The following ZNF296 variants were observed in gnomAD, a reference collection of about 807,000 sequenced individuals.
ZNF296 encodes zinc finger protein 342.
In ZNF296, 1 loss-of-function variant was observed where a neutral mutation model predicts 13.2. The ratio of observed to expected loss-of-function variants is 0.08; its 90% CI spans 0.03 to 0.36. ZNF296 has a LOEUF of 0.36. Ranked by LOEUF, ZNF296 falls within the 10% of genes least tolerant of loss-of-function variation. The probability of loss-of-function intolerance (pLI) is 0.99; values close to 1 mark genes in which losing one functional copy is unlikely to be tolerated. For missense variants in ZNF296, 555 were observed against 688.2 expected, an observed-to-expected ratio of 0.81 and a Z score of 2.16; for synonymous variants, 303 against 289.0, an observed-to-expected ratio of 1.05 and a Z score of -0.49.
Position 45,071,742 on chromosome 19 carries a change from G to A in ZNF296, c.1287C>T (p.Leu429=). The change falls in exon 3 of 3, where the codon CTC becomes CTT. Residue 429 remains leucine (L), a synonymous_variant. Transcript: ENST00000303809. ...TGCCGTGCATGCGGCGGTGGCGGTTGAGCTTACTGCTCTGGGCGCAGGCGT... is the reference window on the plus strand; with the variant it reads ...TGCCGTGCATGCGGCGGTGGCGGTTAAGCTTACTGCTCTGGGCGCAGGCGT... ...CNYACAQSSK[L]NRHRRMHGMT... is the part of the protein sequence containing the mutation. 1 of 1,609,204 alleles carries A rather than the reference G, an allele frequency of 6.2e-7. No individual in the cohort carries two copies. Among genetic ancestry groups the A allele is most frequent in the Non-Finnish European group, 8.5e-7 (1 of 1,176,966 alleles).
intron 2 of ZNF296, among the ~76,000 whole-genome samples, chr19:45,074,044 T>C (rs1284066964): frequency 6.8e-6 from 1 of 148,068 alleles, no homozygotes; most frequent in Non-Finnish European, 1.5e-5. Flanking sequence ...TTTTTTTTGG[T>C]TTAATAAAAA....
chr19:45,073,116 TGAGCCATG>T (rs1357218580), intron 2 of ZNF296, among the ~76,000 whole-genome samples: 1 of 152,196 alleles, frequency 6.6e-6, no homozygotes, highest in African/African-American at 2.4e-5. Flanking sequence ...TGCTAGGTGC[TGAGCCATG>T]GCTCATAGCC....
chr19:45,076,436 C>T lies in ZNF296; in HGVS notation c.-63G>A. 8.6e-7 allele frequency: 1 copy of T among 1,165,910 alleles called. No homozygotes were observed. 72.2% of individuals were successfully genotyped at this position (1,165,910 alleles called of 1,614,324 possible). On this transcript the variant is annotated 5_prime_UTR_variant, in exon 1 of 3. It adds an upstream start codon to the 5' untranslated region. Coordinates refer to ENST00000303809, the MANE Select transcript of ZNF296 (RefSeq NM_145288.3). The surrounding 1 kb of genome is among the most constrained non-coding windows in gnomAD (Gnocchi z 4.9). ...GGCAGGCGGGCGGGCGGAGGACGCA[C>T]GAGCGGAGGACGCGCGGACCGTGCG...
In ZNF296 at chr19:45,075,716, AGCCCTG is replaced by A; in HGVS notation, c.439_444del (p.Gln147_Gly148del). On this transcript the variant is annotated inframe_deletion, in exon 2 of 3. Transcript: ENST00000303809. Reference sequence around the variant, plus strand: ...GACTGCACCCGGCTTTACTCACCTGAGCCCTGGCCGCGGCTGGGGCCTCTGAAGAGC... The same window carrying A: ...GACTGCACCCGGCTTTACTCACCTGAGCCGCGGCTGGGGCCTCTGAAGAGC... The A allele has an allele frequency of 6.2e-7, 1 of 1,613,862 alleles. No individual in the cohort carries two copies. The highest frequency in any genetic ancestry group is 8.5e-7 in the Non-Finnish European group (1 of 1,179,932).
At chr19:45,075,668 C>G (rs769362101) in intron 2 of ZNF296, 45 bp downstream of exon 2, 1 of 1,603,220 alleles carries the variant, frequency 6.2e-7, no homozygotes, top group Non-Finnish European at 8.5e-7. Context: ...AGCAGGAAGC[C>G]CAGCCCTCGA....
In ZNF296 at chr19:45,076,388, G is replaced by T; in HGVS notation, c.-15C>A. On this transcript the variant is annotated 5_prime_UTR_variant, in exon 1 of 3. Coordinates refer to ENST00000303809, the MANE Select transcript of ZNF296 (RefSeq NM_145288.3). This position sits in a 1 kb window ranked among gnomAD's most constrained non-coding sequence, Gnocchi z 4.9. ...CGGCGGGACATGAGTCGCGGGCCGGGCGAGCGAGCGGGCGGGCAGGCAGGC... is the reference window on the plus strand; with the variant it reads ...CGGCGGGACATGAGTCGCGGGCCGGTCGAGCGAGCGGGCGGGCAGGCAGGC... 7.9e-7 allele frequency: 1 copy of T among 1,270,276 alleles called. No homozygotes were observed. The highest frequency in any genetic ancestry group is 3.4e-5 in the South Asian group (1 of 29,406). The allele number at this position is 1,270,276 out of a possible 1,614,324, so 78.7% of individuals were successfully genotyped here.
rs901611962 is a variant in ZNF296, at chr19:45,072,495, C to G, written c.534G>C (p.Trp178Cys). The part of the protein sequence containing the change: ...VAWKLLRHAQ[W>C]DHGLSIYQTE... ...TCTGGTAGATGGACAGTCCGTGGTCCCACTGGGCGTGACGCAGCAGCTTCC... is the reference window on the plus strand; with the variant it reads ...TCTGGTAGATGGACAGTCCGTGGTCGCACTGGGCGTGACGCAGCAGCTTCC... The change falls in exon 3 of 3, where the codon TGG (tryptophan) becomes TGC (cysteine). Residue 178 changes from tryptophan (W) to cysteine (C), a missense_variant. Physicochemically the swap from Trp to Cys is radical, Grantham distance 215. Coordinates refer to ENST00000303809, the MANE Select transcript of ZNF296 (RefSeq NM_145288.3). 3.7e-6 allele frequency: 6 copies of G among 1,613,564 alleles called. No individual in the cohort carries two copies. In the African/African-American group the frequency reaches 8.0e-5, roughly 22 times the overall value.
chr19:45,071,590 C>T lies in ZNF296; in HGVS notation c.*11G>A. On this transcript the variant is annotated 3_prime_UTR_variant, in exon 3 of 3. Coordinates refer to ENST00000303809, the MANE Select transcript of ZNF296 (RefSeq NM_145288.3). Reference sequence around the variant, plus strand: ...GCGGTACCAGGGACAGTGAGGGGGGCTTTCCTGGGCTCAGGCCTCGCCGGC... The same window carrying T: ...GCGGTACCAGGGACAGTGAGGGGGGTTTTCCTGGGCTCAGGCCTCGCCGGC... 1.3e-6 allele frequency: 2 copies of T among 1,506,212 alleles called. No individual in the cohort carries two copies. The highest frequency in any genetic ancestry group is 1.8e-6 in the Non-Finnish European group (2 of 1,136,248). 93.3% of individuals were successfully genotyped at this position (1,506,212 alleles called of 1,614,324 possible).
rs1967275983 is a variant in ZNF296, at chr19:45,072,515, G to A, written c.514C>T (p.Leu172=). The stretch of plus-strand genomic sequence containing the variant: ...TGGTCCCACTGGGCGTGACGCAGCA[G>A]CTTCCAGGCCACTGTGAACTGTTTG... The part of the protein sequence containing the change: ...CGKQFTVAWK[L]LRHAQWDHGL... The change falls in exon 3 of 3, where the codon CTG becomes TTG. Residue 172 remains leucine (L), a synonymous_variant. Transcript: ENST00000303809. 6.2e-7 allele frequency: 1 copy of A among 1,613,758 alleles called. No individual in the cohort carries two copies. Among genetic ancestry groups the A allele is most frequent in the South Asian group, 1.1e-5 (1 of 91,086 alleles).
chr19:45,071,676 A>G lies in ZNF296; in HGVS notation c.1353T>C (p.His451=), dbSNP rs764853183. The change falls in exon 3 of 3, where the codon CAT becomes CAC. Residue 451 remains histidine, a synonymous_variant. Transcript: ENST00000303809. ...GGGTGGCTCGCAGGCCGAAGGGCAC[A>G]TGGCAGTGGGGGCACTCGAAGCGGG... is the stretch of plus-strand genomic sequence containing the variant. ...GSTRFECPHC[H]VPFGLRATLD... 6.4e-6 allele frequency: 10 copies of G among 1,570,912 alleles called. No homozygotes were observed. The highest frequency in any genetic ancestry group is 1.3e-5 in the African/African-American group (1 of 74,086).
intron 2 of ZNF296, 69 bp downstream of exon 2, chr19:45,075,644 C>G: frequency 6.3e-7 from 1 of 1,579,244 alleles, no homozygotes; most frequent in Non-Finnish European, 8.6e-7. Context: ...TGCCGTCCAG[C>G]CCAGCCCCTT....
chr19:45,074,310 G>C (rs1397947763), intron 2 of ZNF296, among the ~76,000 whole-genome samples: 3 of 152,106 alleles, frequency 2.0e-5, no homozygotes, highest in Admixed American at 2.0e-4. Context: ...GCAGTGAGCT[G>C]AGATTGCACC....
At chr19:45,073,749 C>G (rs374762503) in intron 2 of ZNF296, among the ~76,000 whole-genome samples, 111 of 151,602 alleles carry the variant, frequency 7.3e-4, no homozygotes, top group African/African-American at 2.7e-3. Flanking sequence ...TTAGGCCGGG[C>G]ACGGTGGCTC....
chr19:45,072,344 G>C lies in ZNF296; in HGVS notation c.685C>G (p.Arg229Gly). 3 of 1,612,574 alleles carry C rather than the reference G, an allele frequency of 1.9e-6. No homozygotes were observed. Among genetic ancestry groups the C allele is most frequent in the Non-Finnish European group, 2.5e-6 (3 of 1,179,870 alleles). ...PRASGSGLTR[R>G]SPTCPVCKKT... ...TTGCACACAGGACAGGTGGGGCTCC[G>C]CCGGGTGAGGCCGCTGCCACTTGCA... is the stretch of plus-strand genomic sequence containing the variant. Residue 229 changes from arginine (R) to glycine (G), a missense_variant, in exon 3 of 3, where the codon CGG becomes GGG. Around this residue, in one of 3 missense-constraint regions of ZNF296, gnomAD observed 410 missense variants for 548.0 expected, o/e 0.75. Transcript: ENST00000303809.
At chr19:45,075,495 G>A (rs1380551141) in intron 2 of ZNF296, among the ~76,000 whole-genome samples, 1 of 152,026 alleles carries the variant, frequency 6.6e-6, no homozygotes, top group Non-Finnish European at 1.5e-5. Flanking sequence ...CCCTGTAGGC[G>A]GCCCTCCTTC....
At chr19:45,074,256 A>T (rs1967305497) in intron 2 of ZNF296, among the ~76,000 whole-genome samples, 1 of 147,990 alleles carries the variant, frequency 6.8e-6, no homozygotes, top group African/African-American at 2.5e-5. Context: ...AGCTACTTGG[A>T]GGGCTGAGGC....
In ZNF296 at chr19:45,075,736, C is replaced by T; in HGVS notation, c.425G>A (p.Gly142Asp). The T allele has an allele frequency of 6.2e-7, 1 of 1,614,082 alleles. No homozygotes were observed. The highest frequency in any genetic ancestry group is 8.5e-7 in the Non-Finnish European group (1 of 1,179,996). Residue 142 changes from glycine (G) to aspartate (D), a missense_variant, in exon 2 of 3, where the codon GGC becomes GAC. Coordinates refer to ENST00000303809, the MANE Select transcript of ZNF296 (RefSeq NM_145288.3). ...ACCTGAGCCCTGGCCGCGGCTGGGGCCTCTGAAGAGCTGACAGCCCAGCTT... is the reference window on the plus strand; with the variant it reads ...ACCTGAGCCCTGGCCGCGGCTGGGGTCTCTGAAGAGCTGACAGCCCAGCTT... ...HKKLGCQLFRGPSRGQGSERE... is the reference protein window; with the variant it reads ...HKKLGCQLFRDPSRGQGSERE...
chr19:45,075,582 C>T, intron 2 of ZNF296, 131 bp downstream of exon 2: 3 of 1,185,142 alleles, frequency 2.5e-6, no homozygotes, highest in Non-Finnish European at 2.3e-6. Context: ...CCTGGCCACG[C>T]CTAGGCTGCA....
Position 45,076,322 on chromosome 19 carries a change from CG to C in ZNF296, c.51del (p.Ala18ProfsTer77). On this transcript the variant is annotated frameshift_variant, in exon 1 of 3. Coordinates refer to ENST00000303809, the MANE Select transcript of ZNF296 (RefSeq NM_145288.3). LOFTEE classifies it high-confidence loss of function. This position sits in a 1 kb window ranked among gnomAD's most constrained non-coding sequence, Gnocchi z 4.9. ...GSAPRRVEPA[P>X]AANPDDEMEM... ...TCCATCTCGTCGTCTGGGTTGGCGG[CG>C]GGCGCGGGCTCTACTCGGCGGGGCG... 1 of 1,407,418 alleles carries C rather than the reference CG, an allele frequency of 7.1e-7. No individual in the cohort carries two copies. The highest frequency in any genetic ancestry group is 2.9e-5 in the Admixed American group (1 of 34,516). The allele number at this position is 1,407,418 out of a possible 1,614,324, so 87.2% of individuals were successfully genotyped here. A position where few individuals can be genotyped will look rare whatever the true frequency, so the allele number is the denominator to read the frequency against.
Sources: allele counts gnomAD v4.1 joint callset (sites outside exome capture counted in the v4.1 genomes callset), GRCh38; gene constraint gnomAD v4.1.1; regional missense constraint gnomAD v4.1.1; non-coding constraint Gnocchi (gnomAD v3.1); transcripts MANE v1.5; gene names NCBI Gene and HGNC (gene_info 2026-07-23, HGNC 2026-07-21).